NDUFA10: variants seen among roughly 807,000 people sequenced by gnomAD.
The protein encoded by NDUFA10 is NADH dehydrogenase [ubiquinone] 1 alpha subcomplex subunit 10, mitochondrial.
A neutral mutation model predicts 47.8 loss-of-function variants in NDUFA10; 40 were observed. The observed-to-expected ratio is 0.84, with a 90% confidence interval of 0.65 to 1.09. NDUFA10 has a LOEUF of 1.09. Ranked by LOEUF, NDUFA10 falls within the 50% of genes least tolerant of loss-of-function variation. The pLI, the probability that NDUFA10 is intolerant of heterozygous loss-of-function variation, is 0.00. For missense variants in NDUFA10, 413 were observed against 451.1 expected, an observed-to-expected ratio of 0.92 and a Z score of 0.76; for synonymous variants, 183 against 172.2, an observed-to-expected ratio of 1.06 and a Z score of -0.49.
intron 4 of NDUFA10, among the ~76,000 whole-genome samples, chr2:239,920,866 C>A (rs186267726): frequency 2.6e-5 from 4 of 152,298 alleles, no homozygotes; most frequent in East Asian, 1.9e-4. Flanking sequence ...GTCTGAGGTG[C>A]CTGGTCATTG....
chr2:239,983,799 G>A, intron 9 of NDUFA10: 10 of 1,507,178 alleles, frequency 6.6e-6, no homozygotes, highest in Non-Finnish European at 8.0e-6. Flanking sequence ...AACAAAGTCT[G>A]AGAAAATGTT....
intron 4 of NDUFA10, among the ~76,000 whole-genome samples, chr2:239,940,551 G>A (rs1338399491): frequency 6.6e-6 from 1 of 152,182 alleles, no homozygotes; most frequent in Admixed American, 6.5e-5. Flanking sequence ...TTTCTACACA[G>A]ATCCATAAGG....
intron 4 of NDUFA10, among the ~76,000 whole-genome samples, chr2:239,920,723 G>C (rs565909675): frequency 6.6e-6 from 1 of 152,178 alleles, no homozygotes; most frequent in Non-Finnish European, 1.5e-5. Flanking sequence ...GGCCTTTTGC[G>C]TGACGGCGAT....
At position 239,961,059 on chromosome 2, in the gene NDUFA10, A is replaced by C; in HGVS notation, c.*59T>G. 1 of 1,612,236 alleles carries C rather than the reference A, an allele frequency of 6.2e-7. No individual in the cohort carries two copies. Among genetic ancestry groups the C allele is most frequent in the Non-Finnish European group, 8.5e-7 (1 of 1,179,312 alleles). On this transcript the variant is annotated 3_prime_UTR_variant, in exon 10 of 10. Transcript: ENST00000252711. Reference sequence around the variant, plus strand: ...CTTAAAGCTATATGGCGTCCAGGAGAGTGCGGCTGATGCAGCTTGGCCATC... The same window carrying C: ...CTTAAAGCTATATGGCGTCCAGGAGCGTGCGGCTGATGCAGCTTGGCCATC...
intron 1 of NDUFA10, among the ~76,000 whole-genome samples, chr2:240,024,955 G>A (rs1468518885): frequency 1.5e-5 from 2 of 132,962 alleles, no homozygotes; most frequent in Non-Finnish European, 3.2e-5. Context: ...CGGGCCTCCC[G>A]CATCAGGGCA....
chr2:239,958,514 C>A lies in NDUFA10; in HGVS notation c.*2604G>T, dbSNP rs896432738. The A allele has an allele frequency of 1.3e-5, 2 of 152,246 alleles. No individual in the cohort carries two copies. Among genetic ancestry groups the A allele is most frequent in the East Asian group, 1.9e-4 (1 of 5,198 alleles). The allele number at this position is 152,246 out of a possible 1,614,324, so 9.4% of individuals were successfully genotyped here. Reference sequence around the variant, plus strand: ...GGGTCCACCTGTGGCCTGGAGGCGGCCGCCTGTTTCCCTGCTGTTCTTGCC... The same window carrying A: ...GGGTCCACCTGTGGCCTGGAGGCGGACGCCTGTTTCCCTGCTGTTCTTGCC... On this transcript the variant is annotated 3_prime_UTR_variant, in exon 10 of 10. Coordinates refer to ENST00000252711, the MANE Select transcript of NDUFA10 (RefSeq NM_004544.4).
At position 239,960,702 on chromosome 2, in the gene NDUFA10, G is replaced by A. The variant is rs911557145; in HGVS notation, c.*416C>T. 1.5e-5 allele frequency: 17 copies of A among 1,160,168 alleles called. No homozygotes were observed. In the African/African-American group the frequency reaches 1.6e-4, roughly 11 times the overall value. The allele number at this position is 1,160,168 out of a possible 1,614,324, so 71.9% of individuals were successfully genotyped here. The stretch of plus-strand genomic sequence containing the variant: ...AGCGTGTGTGCACGTGTGCAGTTTC[G>A]ACGTGCCCGCACGCACATAGACGTA... On this transcript the variant is annotated 3_prime_UTR_variant, in exon 10 of 10. Transcript: ENST00000252711.
intron 4 of NDUFA10, among the ~76,000 whole-genome samples, chr2:239,922,956 G>C (rs1694013070): frequency 6.6e-6 from 1 of 152,224 alleles, no homozygotes; most frequent in Non-Finnish European, 1.5e-5. Flanking sequence ...TCAAAGTCTG[G>C]TAAATTAGAA....
chr2:239,992,391 C>G (rs562485156), intron 8 of NDUFA10, among the ~76,000 whole-genome samples: 1 of 152,320 alleles, frequency 6.6e-6, no homozygotes, highest in Middle Eastern at 3.4e-3. Flanking sequence ...TGTTTTATGA[C>G]TCAAGCTGTT....
intron 4 of NDUFA10, among the ~76,000 whole-genome samples, chr2:239,934,907 G>A (rs1484602271): frequency 1.3e-5 from 2 of 152,276 alleles, no homozygotes; most frequent in East Asian, 3.9e-4. Context: ...TTCAATCCAA[G>A]CTCCCACTGG....
intron 4 of NDUFA10, among the ~76,000 whole-genome samples, chr2:239,944,852 T>G (rs1574796305): frequency 6.6e-6 from 1 of 151,946 alleles, no homozygotes; most frequent in South Asian, 2.1e-4. Context: ...AGGAAACTGG[T>G]CCCCAAAGCT....
chr2:239,895,296 G>T (rs1693371248), exon 5 of NDUFA10: 3 of 468,130 alleles, frequency 6.4e-6, no homozygotes, highest in Non-Finnish European at 1.3e-5. Context: ...ACCCATCTGT[G>T]CTCCTGGTCT....
At chr2:240,010,535 C>T (rs749651561) in intron 6 of NDUFA10, among the ~76,000 whole-genome samples, 3 of 152,106 alleles carry the variant, frequency 2.0e-5, no homozygotes, top group East Asian at 1.9e-4. Flanking sequence ...TGTTTATTCA[C>T]GTTGGCTCTA....
downstream of NDUFA10, among the ~76,000 whole-genome samples, chr2:239,955,676 G>A (rs1694638780): frequency 6.6e-6 from 1 of 152,192 alleles, no homozygotes; most frequent in South Asian, 2.1e-4. Context: ...TGAGGACTGA[G>A]GGGGCCGCAG....
chr2:239,905,925 A>C (rs1167999734), intron 4 of NDUFA10, among the ~76,000 whole-genome samples: 1 of 151,658 alleles, frequency 6.6e-6, no homozygotes, highest in Non-Finnish European at 1.5e-5. Context: ...GTCTCCTGCC[A>C]AGTGGAGGCC....
chr2:239,909,270 G>T (rs13409637), intron 4 of NDUFA10, among the ~76,000 whole-genome samples: 25,261 of 152,030 alleles, frequency 0.17, 2,126 homozygotes, highest in South Asian at 0.2. Flanking sequence ...ATACAAAAAT[G>T]AACTCCAGAA....
At chr2:239,946,152 G>A (rs991471309) in intron 4 of NDUFA10, among the ~76,000 whole-genome samples, 2 of 152,302 alleles carry the variant, frequency 1.3e-5, no homozygotes, top group East Asian at 3.9e-4. Context: ...GAGGAAGGAT[G>A]GCTGCACGCT....
At chr2:239,989,844 A>T (rs1696170590) in intron 9 of NDUFA10, among the ~76,000 whole-genome samples, 1 of 152,222 alleles carries the variant, frequency 6.6e-6, no homozygotes, top group Non-Finnish European at 1.5e-5. Context: ...CTGATGAAGA[A>T]CCTTCCAGAA....
chr2:239,897,676 G>A (rs549077585), intron 4 of NDUFA10, among the ~76,000 whole-genome samples: 1 of 152,264 alleles, frequency 6.6e-6, no homozygotes, highest in Non-Finnish European at 1.5e-5. Context: ...TTCCTCTCCT[G>A]GGCCCTCCTC....
Sources: gnomAD v4.1 joint callset for allele counts (sites outside exome capture counted in the v4.1 genomes callset) on GRCh38, gnomAD v4.1.1 for gene constraint, MANE v1.5 for transcripts, NCBI Gene and HGNC (gene_info 2026-07-23, HGNC 2026-07-21) for gene names.